GCN1: variants seen among roughly 807,000 people sequenced by gnomAD.
The protein encoded by GCN1 is GCN1 activator of EIF2AK4, also known as stalled ribosome sensor GCN1.
GCN1 carries 90 observed loss-of-function variants against 288.4 expected under a neutral mutation model. The ratio of observed to expected loss-of-function variants is 0.31; its 90% CI spans 0.26 to 0.37. The LOEUF is 0.37. Ranked by LOEUF, GCN1 falls within the 10% of genes least tolerant of loss-of-function variation. The pLI is 1.00. For synonymous variants in GCN1, 1,386 were observed against 1,420.2 expected, an observed-to-expected ratio of 0.98 and a Z score of 0.54; for missense variants, 2,586 against 3,419.9, an observed-to-expected ratio of 0.76 and a Z score of 6.08.
intron 36 of GCN1, among the ~76,000 whole-genome samples, chr12:120,149,309 C>T (rs1877462468): frequency 6.6e-6 from 1 of 151,984 alleles, no homozygotes; most frequent in Admixed American, 6.6e-5. Flanking sequence ...GTCACTTGAA[C>T]CCAGGAATTC....
In GCN1 at chr12:120,144,936, T is replaced by C. The variant is rs766922640; in HGVS notation, c.5142A>G (p.Ser1714=). 3.1e-6 allele frequency: 5 copies of C among 1,614,200 alleles called. No homozygotes were observed. The highest frequency in any genetic ancestry group is 4.2e-6 in the Non-Finnish European group (5 of 1,180,028). Reference sequence around the variant, plus strand: ...CTCTGGCCTTACCCTGTGCAGCGCCTGAGCGATCCACAGAGCTCTGCTCAT... The same window carrying C: ...CTCTGGCCTTACCCTGTGCAGCGCCCGAGCGATCCACAGAGCTCTGCTCAT... ...LTYEQSSVDR[S]GAAQGLAEVM... is the part of the protein sequence containing the mutation. The change falls in exon 40 of 58, where the codon TCA becomes TCG. Residue 1714 remains serine, a synonymous_variant. Coordinates refer to ENST00000300648, the MANE Select transcript of GCN1 (RefSeq NM_006836.2). The surrounding 1 kb of genome is among the most constrained non-coding windows in gnomAD (Gnocchi z 4.7).
chr12:120,184,684 C>T, intron 3 of GCN1, 140 bp downstream of exon 3: 1 of 703,426 alleles, frequency 1.4e-6, no homozygotes, highest in Non-Finnish European at 2.6e-6. Context: ...AAGTAACTTG[C>T]CCAGGATCTA....
At position 120,156,477 on chromosome 12, in the gene GCN1, C is replaced by T. The variant is rs1380224518; in HGVS notation, c.3296G>A (p.Arg1099Gln). 7 of 1,613,756 alleles carry T rather than the reference C, an allele frequency of 4.3e-6. No individual in the cohort carries two copies. The highest frequency in any genetic ancestry group is 1.7e-5 in the Admixed American group (1 of 59,992). Reference sequence around the variant, plus strand: ...AGCACACACCCGGAGCACGGTTTCCCGCACGCTGGCACACGGGGACTGCAA... The same window carrying T: ...AGCACACACCCGGAGCACGGTTTCCTGCACGCTGGCACACGGGGACTGCAA... ...CALQSPCASV[R>Q]ETVLRGLMEL... The change falls in exon 28 of 58, where the codon CGG (arginine) becomes CAG (glutamine). Residue 1099 changes from arginine (R) to glutamine (Q), a missense_variant. Arg to Gln is a conservative substitution (Grantham distance 43). This residue lies in a region of GCN1 where 332 missense variants were observed against 403.0 expected (regional missense o/e 0.82). Coordinates refer to ENST00000300648, the MANE Select transcript of GCN1 (RefSeq NM_006836.2). The surrounding 1 kb of genome is among the most constrained non-coding windows in gnomAD (Gnocchi z 5.8).
intron 37 of GCN1, 44 bp downstream of exon 37, chr12:120,148,123 G>A (rs374081840): frequency 7.6e-5 from 111 of 1,466,604 alleles, no homozygotes; most frequent in African/African-American, 5.6e-4. Context: ...AGGCTGCGGC[G>A]TTGGTGGGAG....
Position 120,135,424 on chromosome 12 carries a change from C to T in GCN1, c.7009-698G>A, listed in dbSNP as rs184722339. 9.9e-5 allele frequency among the ~76,000 whole-genome samples: 15 copies of T among 151,838 alleles called. No individual in the cohort carries two copies. The East Asian group carries it at 1.9e-3, about 20-fold the overall frequency. On this transcript the variant is annotated intron_variant, in intron 51 of 57. Coordinates refer to ENST00000300648, the MANE Select transcript of GCN1 (RefSeq NM_006836.2). Reference sequence around the variant, plus strand: ...TTGTTGCCCAGGCTGGAGTGCAAGGCGCGATCTCAGCTCACTGCAACCTCC... The same window carrying T: ...TTGTTGCCCAGGCTGGAGTGCAAGGTGCGATCTCAGCTCACTGCAACCTCC...
intron 45 of GCN1, 185 bp from the exon 46 acceptor site, chr12:120,139,041 G>A: frequency 2.1e-6 from 1 of 483,298 alleles, no homozygotes; most frequent in South Asian, 2.7e-5. Flanking sequence ...CGGGCACGGT[G>A]GCTCACACCT....
Position 120,184,257 on chromosome 12 carries a change from C to G in GCN1, c.186-14G>C, listed in dbSNP as rs367880025. The G allele has an allele frequency of 1.4e-5, 22 of 1,608,320 alleles. No individual in the cohort carries two copies. The highest frequency in any genetic ancestry group is 1.7e-5 in the Non-Finnish European group (20 of 1,178,150). ...GAGGCTGCATCTCTAGGGGGAGAGGCAAAGGAAAGGGTGAACATGCAGACC... is the reference window on the plus strand; with the variant it reads ...GAGGCTGCATCTCTAGGGGGAGAGGGAAAGGAAAGGGTGAACATGCAGACC... On this transcript the variant is annotated splice_polypyrimidine_tract_variant and intron_variant, in intron 3 of 57. Transcript: ENST00000300648.
In GCN1 at chr12:120,134,285, C is replaced by T; in HGVS notation, c.7317+6G>A. 1 of 1,600,936 alleles carries T rather than the reference C, an allele frequency of 6.2e-7. No homozygotes were observed. Among genetic ancestry groups the T allele is most frequent in the South Asian group, 1.1e-5 (1 of 90,822 alleles). On this transcript the variant is annotated splice_donor_region_variant and intron_variant, in intron 53 of 57. Coordinates refer to ENST00000300648, the MANE Select transcript of GCN1 (RefSeq NM_006836.2). This position sits in a 1 kb window ranked among gnomAD's most constrained non-coding sequence, Gnocchi z 5.0. ...GTGCTGCCACTAGTCCTGCCTGCAG[C>T]CGTACCTCATCGTGTCCCAGCATGC...
chr12:120,178,038 G>A (rs373659414), intron 7 of GCN1, among the ~76,000 whole-genome samples: 11 of 152,028 alleles, frequency 7.2e-5, no homozygotes, highest in African/African-American at 2.4e-4. Context: ...CTCCAACCCC[G>A]CTCGCCTCCT....
rs1209648479 is a variant in GCN1 at position 120,177,564 on chromosome 12, A to G, written c.730-9T>C. 4 of 1,586,006 alleles carry G rather than the reference A, an allele frequency of 2.5e-6. No homozygotes were observed. The highest frequency in any genetic ancestry group is 2.7e-5 in the African/African-American group (2 of 74,360). On this transcript the variant is annotated splice_polypyrimidine_tract_variant and intron_variant, in intron 8 of 57. Coordinates refer to ENST00000300648, the MANE Select transcript of GCN1 (RefSeq NM_006836.2). The stretch of plus-strand genomic sequence containing the variant: ...AGAGGGGCACAGCTATCCTACAAAG[A>G]AAAAGGAATAAGGCACCTAGCCCTC...
rs1199670232 is a variant in GCN1, at chr12:120,162,010, C to A, written c.2212G>T (p.Val738Phe). The change falls in exon 21 of 58, where the codon GTC becomes TTC. Residue 738 changes from valine to phenylalanine, a missense_variant. Coordinates refer to ENST00000300648, the MANE Select transcript of GCN1 (RefSeq NM_006836.2). ...GSLSVLSPDR[V>F]LPQLISTITA... ...ATGGTGCTGATGAGCTGTGGGAGGA[C>A]CCGGTCCGGCGACAGGACGGAAAGG... is the stretch of plus-strand genomic sequence containing the variant. 2 of 1,613,726 alleles carry A rather than the reference C, an allele frequency of 1.2e-6. No homozygotes were observed. The highest frequency in any genetic ancestry group is 1.7e-6 in the Non-Finnish European group (2 of 1,180,020).
rs772674489 is a variant in GCN1, at chr12:120,131,915, A to G, written c.7414+11T>C. On this transcript the variant is annotated intron_variant, in intron 54 of 57. Transcript: ENST00000300648. ...CCAGGTCCCTGAAGGGGAACTCTCC[A>G]GTGTACTTACCCAGCAAGCACTGCT... The G allele has an allele frequency of 2.6e-6, 4 of 1,562,058 alleles. No homozygotes were observed. The highest frequency in any genetic ancestry group is 3.5e-6 in the Non-Finnish European group (4 of 1,140,342).
intron 53 of GCN1, among the ~76,000 whole-genome samples, chr12:120,133,703 C>T (rs1876903587): frequency 6.6e-6 from 1 of 152,218 alleles, no homozygotes; most frequent in Admixed American, 6.5e-5. Flanking sequence ...GAGAAAGTGA[C>T]TTCTTTAAGA....
At chr12:120,160,046 G>C in intron 23 of GCN1, 23 bp from the exon 24 acceptor site, 5 of 1,611,010 alleles carry the variant, frequency 3.1e-6, no homozygotes, top group Non-Finnish European at 4.2e-6. Flanking sequence ...TTGTCCAGAA[G>C]GCAGGTCAGC....
chr12:120,173,057 C>CTTTT (rs963596285), intron 14 of GCN1, among the ~76,000 whole-genome samples: 1 of 130,316 alleles, frequency 7.7e-6, no homozygotes, highest in African/African-American at 2.9e-5. Flanking sequence ...TTAAACCAGT[C>CTTTT]TTTTTTTTTT....
At position 120,156,066 on chromosome 12, in the gene GCN1, G is replaced by A. The variant is rs1877736658; in HGVS notation, c.3313-347C>T. Among the ~76,000 whole-genome samples the A allele has an allele frequency of 6.6e-6, 1 of 152,096 alleles. No individual in the cohort carries two copies. The highest frequency in any genetic ancestry group is 1.5e-5 in the Non-Finnish European group (1 of 68,020). On this transcript the variant is annotated intron_variant, in intron 28 of 57. Coordinates refer to ENST00000300648, the MANE Select transcript of GCN1 (RefSeq NM_006836.2). The surrounding 1 kb of genome is among the most constrained non-coding windows in gnomAD (Gnocchi z 5.8). ...AAACTCTGTCACATATCAATAGCAG[G>A]AGGCTGTGGATCAGCAGGTAGGAAC...
chr12:120,168,108 T>C lies in GCN1; in HGVS notation c.1612+100A>G. On this transcript the variant is annotated intron_variant, in intron 16 of 57. Coordinates refer to ENST00000300648, the MANE Select transcript of GCN1 (RefSeq NM_006836.2). ...GGCCAGATCACTCTGGCCCAGGTTT[T>C]TGCAGACCTGACTGGTTGGTCAAGA... 5.1e-6 allele frequency: 4 copies of C among 780,218 alleles called. No homozygotes were observed. The South Asian group carries it at 5.7e-5, about 11-fold the overall frequency. 48.3% of individuals were successfully genotyped at this position (780,218 alleles called of 1,614,324 possible).
At chr12:120,151,037 A>T in intron 34 of GCN1, 108 bp downstream of exon 34, 1 of 1,230,346 alleles carries the variant, frequency 8.1e-7, no homozygotes, top group Non-Finnish European at 1.2e-6. Context: ...TCTGTAGTAC[A>T]CGCACAAGCA....
intron 2 of GCN1, among the ~76,000 whole-genome samples, chr12:120,187,196 T>C (rs1015594164): frequency 2.0e-5 from 3 of 151,698 alleles, no homozygotes; most frequent in African/African-American, 7.3e-5. Flanking sequence ...AGACCCAATC[T>C]ATATGGCCAT....
Sources: allele counts gnomAD v4.1 joint callset (sites outside exome capture counted in the v4.1 genomes callset), GRCh38; gene constraint gnomAD v4.1.1; regional missense constraint gnomAD v4.1.1; non-coding constraint Gnocchi (gnomAD v3.1); transcripts MANE v1.5; gene names NCBI Gene and HGNC (gene_info 2026-07-23, HGNC 2026-07-21).